The following CNTN5 variants were observed in gnomAD, a reference collection of about 807,000 sequenced individuals.
The protein encoded by CNTN5 is contactin 5.
In CNTN5, 77 loss-of-function variants were observed where a neutral mutation model predicts 129.1. That is an observed-to-expected ratio of 0.60 (90% CI 0.50 to 0.72). The LOEUF is 0.72. Ranked by LOEUF, CNTN5 falls within the 30% of genes least tolerant of loss-of-function variation. The probability of loss-of-function intolerance (pLI) is 0.00; values close to 1 mark genes in which losing one functional copy is unlikely to be tolerated. For missense variants in CNTN5, 1,478 were observed against 1,328.8 expected (o/e 1.11, Z -1.75); for synonymous variants, 509 against 465.6 (o/e 1.09, Z -1.20).
intron 1 of CNTN5, among the ~76,000 whole-genome samples, chr11:99,075,967 G>T (rs1176211370): frequency 1.3e-5 from 2 of 152,136 alleles, no homozygotes; most frequent in African/African-American, 4.8e-5. Flanking sequence ...CATGTCTTTT[G>T]GTGAAATATT....
Position 99,242,169 on chromosome 11 carries a change from T to G in CNTN5, c.-209-83177T>G, listed in dbSNP as rs554138700. Among the ~76,000 whole-genome samples, 208 of 152,236 alleles carry G rather than the reference T, an allele frequency of 1.4e-3. 1 individual carries two copies. Among genetic ancestry groups the G allele is most frequent in the African/African-American group, 4.9e-3 (202 of 41,566 alleles). On this transcript the variant is annotated intron_variant, in intron 1 of 24. Transcript: ENST00000524871. ...TTGCCAAGAAGTTACTTCTAGTTAT[T>G]GGTAGCAAAAAAATAAATCACCTGG...
intron 9 of CNTN5, among the ~76,000 whole-genome samples, chr11:100,042,341 T>C (rs995624591): frequency 6.6e-6 from 1 of 152,114 alleles, no homozygotes; most frequent in Non-Finnish European, 1.5e-5. Flanking sequence ...TAAAACTTGG[T>C]TCTTTCAGCT....
chr11:99,690,499 T>C, intron 3 of CNTN5, among the ~76,000 whole-genome samples: 1 of 152,168 alleles, frequency 6.6e-6, no homozygotes, highest in East Asian at 1.9e-4. Flanking sequence ...TTTTTCTAAT[T>C]CTGTGAAGAA....
chr11:100,010,625 G>A (rs1199738575), intron 9 of CNTN5, among the ~76,000 whole-genome samples: 2 of 141,778 alleles, frequency 1.4e-5, no homozygotes, highest in Non-Finnish European at 3.1e-5. Context: ...GTGTAGAAAT[G>A]TGGTTTTCAG....
chr11:99,962,922 T>G (rs1035452106), intron 8 of CNTN5, among the ~76,000 whole-genome samples: 1 of 150,794 alleles, frequency 6.6e-6, no homozygotes, highest in African/African-American at 2.5e-5. Flanking sequence ...TGATGAGCAT[T>G]TTTTCATGTG....
intron 3 of CNTN5, among the ~76,000 whole-genome samples, chr11:99,743,631 G>C (rs142820332): frequency 6.6e-6 from 1 of 152,160 alleles, no homozygotes; most frequent in Non-Finnish European, 1.5e-5. Flanking sequence ...TAGACTCTCT[G>C]TAACTGTGGA....
intron 13 of CNTN5, among the ~76,000 whole-genome samples, chr11:100,169,832 A>G (rs1001156221): frequency 1.3e-5 from 2 of 151,978 alleles, no homozygotes; most frequent in African/African-American, 2.4e-5. Context: ...ACAAATGTCT[A>G]TGCTCATATC....
At chr11:100,344,330 A>G (rs1014904928) in intron 23 of CNTN5, among the ~76,000 whole-genome samples, 3 of 152,202 alleles carry the variant, frequency 2.0e-5, no homozygotes, top group Non-Finnish European at 4.4e-5. Flanking sequence ...AATGCAGAGG[A>G]AAAAGTAGAT....
At chr11:99,320,167 C>T (rs776057535) in intron 1 of CNTN5, among the ~76,000 whole-genome samples, 1 of 152,110 alleles carries the variant, frequency 6.6e-6, no homozygotes. Context: ...CGCTTGAACC[C>T]AGAGGCAGAG....
At chr11:100,005,175 G>A (rs1027450316) in intron 9 of CNTN5, among the ~76,000 whole-genome samples, 5 of 152,080 alleles carry the variant, frequency 3.3e-5, no homozygotes, top group Admixed American at 2.0e-4. Flanking sequence ...AGGAATGAAT[G>A]AACTTAAAAA....
chr11:99,484,529 G>A (rs1177063763), intron 2 of CNTN5, among the ~76,000 whole-genome samples: 2 of 152,064 alleles, frequency 1.3e-5, no homozygotes. Context: ...CCACTACTGG[G>A]TATTTATTCA....
chr11:99,649,572 A>G (rs968871936), intron 3 of CNTN5, among the ~76,000 whole-genome samples: 3 of 151,840 alleles, frequency 2.0e-5, no homozygotes, highest in African/African-American at 7.2e-5. Flanking sequence ...AACTTCCAAA[A>G]CCACAGTATG....
At chr11:99,410,317 A>C (rs1942334636) in intron 2 of CNTN5, among the ~76,000 whole-genome samples, 1 of 152,224 alleles carries the variant, frequency 6.6e-6, no homozygotes, top group Non-Finnish European at 1.5e-5. Context: ...CAATTTGTAG[A>C]AGAACTGACA....
chr11:99,740,253 A>G (rs1455119842), intron 3 of CNTN5, among the ~76,000 whole-genome samples: 2 of 152,114 alleles, frequency 1.3e-5, no homozygotes, highest in Non-Finnish European at 2.9e-5. Flanking sequence ...TAGGAATGGA[A>G]AGCAATGAGT....
chr11:99,131,212 C>T (rs1445748530), intron 1 of CNTN5, among the ~76,000 whole-genome samples: 1 of 141,564 alleles, frequency 7.1e-6, no homozygotes, highest in Non-Finnish European at 1.5e-5. Flanking sequence ...TGCACCACTG[C>T]ACTCCAGCCT....
chr11:100,221,309 C>T (rs1949260561), intron 15 of CNTN5, among the ~76,000 whole-genome samples: 3 of 152,184 alleles, frequency 2.0e-5, no homozygotes, highest in South Asian at 2.1e-4. Context: ...TAGAATCATG[C>T]TCTAAAGAGC....
At chr11:99,599,874 G>C (rs868799183) in intron 3 of CNTN5, among the ~76,000 whole-genome samples, 1 of 152,010 alleles carries the variant, frequency 6.6e-6, no homozygotes, top group Admixed American at 6.6e-5. Flanking sequence ...AATAAAACTA[G>C]ATCATTAATA....
At position 99,942,761 on chromosome 11, in the gene CNTN5, A is replaced by G. The variant is rs112952777; in HGVS notation, c.674-14045A>G. 2.7e-3 allele frequency among the ~76,000 whole-genome samples: 414 copies of G among 152,050 alleles called. 1 individual carries two copies. The highest frequency in any genetic ancestry group is 6.8e-3 in the Middle Eastern group (2 of 294). On this transcript the variant is annotated intron_variant, in intron 7 of 24. Transcript: ENST00000524871. ...TCTCATTGTTCAAGTCCCACTTAGG[A>G]GTGAGAACATGTGGTTTTTGGTTTT...
chr11:99,979,701 T>C (rs565510296), intron 8 of CNTN5, among the ~76,000 whole-genome samples: 1 of 152,236 alleles, frequency 6.6e-6, no homozygotes, highest in African/African-American at 2.4e-5. Flanking sequence ...TTAGTTGTTA[T>C]GAACTAAGTT....
Sources: allele counts gnomAD v4.1 joint callset (sites outside exome capture counted in the v4.1 genomes callset), GRCh38; gene constraint gnomAD v4.1.1; transcripts MANE v1.5; gene names NCBI Gene and HGNC (gene_info 2026-07-23, HGNC 2026-07-21).